Variants in NRG1 observed in about 807,000 individuals in gnomAD.
NRG1 encodes neuregulin 1, also known as pro-neuregulin-1, membrane-bound isoform.
In NRG1, 18 loss-of-function variants were observed where a neutral mutation model predicts 63.8. The observed-to-expected ratio is 0.28, with a 90% CI of 0.19 to 0.42. The LOEUF (loss-of-function observed/expected upper bound fraction) is 0.42. Among genes scored for constraint, NRG1 ranks in the 10% least tolerant of loss-of-function variants. The pLI is 1.00. For missense variants in NRG1, 762 were observed against 814.7 expected (o/e 0.94, Z 0.79); for synonymous variants, 302 against 301.3 (o/e 1.00, Z -0.02).
At chr8:32,372,775 T>C (rs1809084645) in intron 1 of NRG1, among the ~76,000 whole-genome samples, 1 of 152,218 alleles carries the variant, frequency 6.6e-6, no homozygotes, top group Non-Finnish European at 1.5e-5. Context: ...GTGGATTATC[T>C]GCCACCCGAA....
In NRG1 at chr8:31,720,977, A is replaced by C. The variant is rs187272034; in HGVS notation, c.37+81546A>C. Among the ~76,000 whole-genome samples the C allele has an allele frequency of 2.4e-3, 368 of 152,266 alleles. 2 individuals are homozygous for C. Among genetic ancestry groups the C allele is most frequent in the Non-Finnish European group, 3.2e-3 (219 of 68,008 alleles). On this transcript the variant is annotated intron_variant, in intron 1 of 10. Transcript: ENST00000519301. The stretch of plus-strand genomic sequence containing the variant: ...TTCCTGAAGCTGGGATGCAGAACTG[A>C]TAGAGGGAAGCCAGGGGGTTTTCTC...
chr8:32,494,345 A>T (rs1472872142), intron 1 of NRG1, among the ~76,000 whole-genome samples: 1 of 152,204 alleles, frequency 6.6e-6, no homozygotes, highest in African/African-American at 2.4e-5. Flanking sequence ...TCATATTCAC[A>T]TTCATACTAA....
At chr8:31,669,924 C>G (rs1280066190) in intron 1 of NRG1, among the ~76,000 whole-genome samples, 1 of 152,052 alleles carries the variant, frequency 6.6e-6, no homozygotes, top group Non-Finnish European at 1.5e-5. Flanking sequence ...TGTTGGTGCT[C>G]AGAATTTTCA....
chr8:31,730,916 A>G (rs1193288113), intron 1 of NRG1, among the ~76,000 whole-genome samples: 2 of 152,182 alleles, frequency 1.3e-5, no homozygotes, highest in African/African-American at 4.8e-5. Flanking sequence ...AAAGAATGTC[A>G]AGATATTAAT....
intron 1 of NRG1, among the ~76,000 whole-genome samples, chr8:32,553,503 A>T (rs1834537352): frequency 6.6e-6 from 1 of 152,194 alleles, no homozygotes; most frequent in Non-Finnish European, 1.5e-5. Context: ...ATACATTATG[A>T]AAACAGTACT....
chr8:32,145,839 G>T (rs540757039), intron 1 of NRG1, among the ~76,000 whole-genome samples: 5 of 152,158 alleles, frequency 3.3e-5, no homozygotes, highest in Non-Finnish European at 7.3e-5. Context: ...CTACTTCTCT[G>T]CAGGCTTTGG....
At chr8:31,928,658 A>ACG (rs2129619735) in intron 1 of NRG1, among the ~76,000 whole-genome samples, 1 of 151,802 alleles carries the variant, frequency 6.6e-6, no homozygotes, top group Non-Finnish European at 1.5e-5. Context: ...ATACACACAC[A>ACG]CACACACACA....
chr8:32,179,551 G>A (rs1174077317), intron 1 of NRG1, among the ~76,000 whole-genome samples: 1 of 152,168 alleles, frequency 6.6e-6, no homozygotes, highest in Non-Finnish European at 1.5e-5. Flanking sequence ...TGAATTTCTT[G>A]AAGCTTTAGG....
At chr8:32,706,941 G>C (rs990798497) in intron 5 of NRG1, among the ~76,000 whole-genome samples, 2 of 151,962 alleles carry the variant, frequency 1.3e-5, no homozygotes, top group African/African-American at 2.4e-5. Context: ...TTAATTTTCA[G>C]AGTTAATATA....
intron 1 of NRG1, among the ~76,000 whole-genome samples, chr8:32,091,135 A>C (rs994232448): frequency 6.6e-6 from 1 of 152,128 alleles, no homozygotes; most frequent in African/African-American, 2.4e-5. Context: ...AAAATTAGCC[A>C]GGCATAGTGG....
At chr8:32,410,559 G>C (rs1814767485) in intron 1 of NRG1, among the ~76,000 whole-genome samples, 1 of 152,146 alleles carries the variant, frequency 6.6e-6, no homozygotes, top group African/African-American at 2.4e-5. Context: ...AAAATTCTTA[G>C]AAAGGTGCAT....
At chr8:32,548,609 G>A in exon 1 of NRG1, 1 of 1,388,544 alleles carries the variant, frequency 7.2e-7, no homozygotes, top group Non-Finnish European at 9.3e-7. Flanking sequence ...GAGCGCCTCA[G>A]CGCGGCCGCT....
In NRG1 at chr8:31,726,305, A is replaced by G. The variant is rs145425155; in HGVS notation, c.37+86874A>G. On this transcript the variant is annotated intron_variant, in intron 1 of 10. Transcript: ENST00000519301. ...TAAAGGAAACAATTTCCTGAGAAGT[A>G]TTAGGTTAGACTGTACAAATGTAAA... Among the ~76,000 whole-genome samples the G allele has an allele frequency of 3.5e-4, 54 of 152,326 alleles. 1 individual carries two copies. The highest frequency in any genetic ancestry group is 3.5e-3 in the East Asian group (18 of 5,188).
Position 32,764,287 on chromosome 8 carries a change from C to A in NRG1, c.1799C>A (p.Pro600His), listed in dbSNP as rs73672607. ...CTGGCAGCCAGTCTTGAGGCAACAC[C>A]TGCCTTCCGCCTGGCTGACAGCAGG... The change falls in exon 12 of 12, where the codon CCT becomes CAT. Residue 600 changes from proline to histidine, a missense_variant. Pro to His is a moderately conservative substitution (Grantham distance 77). Transcript: ENST00000356819. The A allele has an allele frequency of 8.7e-3, 14,047 of 1,614,036 alleles. 1,116 individuals carry two copies. In the African/African-American group the frequency reaches 0.17, roughly 19 times the overall value.
At position 31,894,546 on chromosome 8, in the gene NRG1, C is replaced by CTTTCTTT. The variant is rs1563536134; in HGVS notation, c.37+255118_37+255119insCTTTTTT. Among the ~76,000 whole-genome samples the CTTTCTTT allele has an allele frequency of 7.1e-5, 7 of 98,062 alleles. 1 individual carries two copies. The highest frequency in any genetic ancestry group is 1.1e-4 in the Admixed American group (1 of 8,992). The allele number at this position is 98,062 out of a possible 152,430, so 64.3% of individuals were successfully genotyped here. On this transcript the variant is annotated intron_variant, in intron 1 of 10. Coordinates refer to the NRG1 transcript ENST00000519301. ...GTGAAATCATAATTGCTATTTCTTT[C>CTTTCTTT]TTTTTTCTTTTTTTTTTTTTTTGAG...
chr8:31,834,414 G>T (rs1229742884), intron 1 of NRG1, among the ~76,000 whole-genome samples: 2 of 152,146 alleles, frequency 1.3e-5, no homozygotes, highest in East Asian at 3.8e-4. Flanking sequence ...ATCTGTAGAA[G>T]ATGCTACATA....
chr8:31,693,226 T>C (rs991803053), intron 1 of NRG1, among the ~76,000 whole-genome samples: 2 of 152,182 alleles, frequency 1.3e-5, no homozygotes, highest in Non-Finnish European at 2.9e-5. Flanking sequence ...CTCATCCTTT[T>C]CTATGGGCTG....
intron 1 of NRG1, among the ~76,000 whole-genome samples, chr8:32,119,690 T>C (rs940310471): frequency 1.3e-5 from 2 of 151,990 alleles, no homozygotes; most frequent in African/African-American, 4.8e-5. Flanking sequence ...CCCCTCCAGC[T>C]AGATGAATTG....
At chr8:32,352,961 T>TAGAGAG (rs371039140) in intron 1 of NRG1, among the ~76,000 whole-genome samples, 4 of 148,100 alleles carry the variant, frequency 2.7e-5, no homozygotes, top group South Asian at 2.1e-4. Context: ...TATATATATA[T>TAGAGAG]ACAGAGAGAG....
Sources: gnomAD v4.1 joint callset for allele counts (sites outside exome capture counted in the v4.1 genomes callset) on GRCh38, gnomAD v4.1.1 for gene constraint, MANE v1.5 for transcripts, NCBI Gene and HGNC (gene_info 2026-07-23, HGNC 2026-07-21) for gene names.